Variants in DOCK11 observed in about 807,000 individuals in gnomAD.
DOCK11 encodes dedicator of cytokinesis protein 11.
DOCK11 carries 70 observed loss-of-function variants against 169.1 expected under a neutral mutation model. The observed-to-expected ratio is 0.41, with a 90% CI of 0.34 to 0.51. DOCK11 has a LOEUF of 0.51. Among genes scored for constraint, DOCK11 ranks in the 20% least tolerant of loss-of-function variants. The pLI, the probability that DOCK11 is intolerant of heterozygous loss-of-function variation, is 0.10. For missense variants in DOCK11, 1,166 were observed against 1,538.8 expected (o/e 0.76, Z 4.05); for synonymous variants, 529 against 541.3 (o/e 0.98, Z 0.32).
At chrX:118,663,674 CTTT>C (rs751159854) in intron 45 of DOCK11, among the ~76,000 whole-genome samples, 118 of 60,032 alleles carry the variant, frequency 2.0e-3, no homozygotes, top group African/African-American at 6.2e-3. Context: ...GCATCAAAGT[CTTT>C]TTTTTTTTTT....
chrX:118,570,043 A>T (rs2013224403), intron 10 of DOCK11, among the ~76,000 whole-genome samples: 1 of 112,392 alleles, frequency 8.9e-6, no homozygotes, highest in South Asian at 3.7e-4. Flanking sequence ...CACAGTTGTG[A>T]TGAAGCTTTA....
At chrX:118,636,457 G>A in intron 36 of DOCK11, 45 bp downstream of exon 36, 1 of 714,983 alleles carries the variant, frequency 1.4e-6, no homozygotes, top group Non-Finnish European at 2.0e-6. Flanking sequence ...CCTTATTTGG[G>A]GAGAATTCAA....
At chrX:118,554,409 G>T (rs1387628150) in intron 6 of DOCK11, among the ~76,000 whole-genome samples, 3 of 110,371 alleles carry the variant, frequency 2.7e-5, no homozygotes, top group Non-Finnish European at 5.7e-5. Context: ...AATTAGCCAG[G>T]CGTCGTGGTG....
Position 118,639,443 on chromosome X carries a change from A to G in DOCK11, c.4010A>G (p.Asp1337Gly), listed in dbSNP as rs1469107795. The change falls in exon 38 of 53, where the codon GAT becomes GGT. Residue 1337 changes from aspartate to glycine, a missense_variant. Transcript: ENST00000276202. ...MGKRNIARVH[D>G]AWLSKHFGID... The stretch of plus-strand genomic sequence containing the variant: ...TTTAAAATTTATTTTAGGGTGCATG[A>G]TGCCTGGCTGTCAAAACACTTCGGA... The G allele has an allele frequency of 8.3e-7, 1 of 1,210,720 alleles. No homozygotes were observed. The highest frequency in any genetic ancestry group is 1.1e-6 in the Non-Finnish European group (1 of 894,893).
intron 12 of DOCK11, 144 bp downstream of exon 12, chrX:118,574,162 A>T: frequency 1.6e-6 from 1 of 615,375 alleles, no homozygotes. Flanking sequence ...TGGTTACTGA[A>T]GTTTGAGGGC....
At chrX:118,535,703 T>A (rs1298050881) in intron 1 of DOCK11, among the ~76,000 whole-genome samples, 2 of 112,088 alleles carry the variant, frequency 1.8e-5, no homozygotes, top group East Asian at 5.6e-4. Context: ...CTTAGCCGTT[T>A]ACTTTAAGAA....
intron 41 of DOCK11, among the ~76,000 whole-genome samples, chrX:118,649,550 G>A (rs749220915): frequency 1.1e-4 from 12 of 111,150 alleles, no homozygotes; most frequent in Non-Finnish European, 2.3e-4. Context: ...ACGGAGTCTC[G>A]CCCTGTCACC....
intron 6 of DOCK11, among the ~76,000 whole-genome samples, chrX:118,546,503 G>A (rs973486148): frequency 8.9e-6 from 1 of 111,774 alleles, no homozygotes; most frequent in African/African-American, 3.2e-5. Flanking sequence ...TCACTGTGGG[G>A]AAATATGTAG....
intron 22 of DOCK11, 64 bp downstream of exon 22, chrX:118,598,180 A>T: frequency 1.2e-6 from 1 of 834,970 alleles, no homozygotes; most frequent in Non-Finnish European, 1.7e-6. Flanking sequence ...AAAATAGACC[A>T]CATTTGATTC....
intron 6 of DOCK11, among the ~76,000 whole-genome samples, chrX:118,549,400 T>C (rs2012411593): frequency 1.8e-5 from 2 of 110,543 alleles, no homozygotes; most frequent in Admixed American, 9.7e-5. Flanking sequence ...TACCTCAGCC[T>C]CCCAAAGTGC....
chrX:118,670,878 G>T, intron 45 of DOCK11, 145 bp from the exon 46 acceptor site: 1 of 376,874 alleles, frequency 2.7e-6, no homozygotes, highest in African/African-American at 2.6e-5. Context: ...AGAAAATATC[G>T]TCACACAAGT....
chrX:118,663,445 T>C (rs1265631614), intron 45 of DOCK11, among the ~76,000 whole-genome samples: 1 of 110,521 alleles, frequency 9.0e-6, no homozygotes, highest in East Asian at 2.8e-4. Context: ...CAGAGAGGGA[T>C]TGGAAGAATG....
At chrX:118,542,870 A>T in intron 2 of DOCK11, 29 bp downstream of exon 2, 1 of 1,197,413 alleles carries the variant, frequency 8.4e-7, no homozygotes, top group African/African-American at 1.7e-5. Flanking sequence ...CTTTAAAGAA[A>T]AAAACCCCTA....
intron 31 of DOCK11, among the ~76,000 whole-genome samples, 156 bp downstream of exon 31, chrX:118,618,884 G>A (rs764046693): frequency 9.1e-6 from 1 of 109,742 alleles, no homozygotes; most frequent in Non-Finnish European, 1.9e-5. Flanking sequence ...TTGAGACAGA[G>A]TTTCACTCTG....
chrX:118,663,341 T>C (rs1376237597), intron 45 of DOCK11, among the ~76,000 whole-genome samples: 1 of 111,785 alleles, frequency 8.9e-6, no homozygotes, highest in Non-Finnish European at 1.9e-5. Flanking sequence ...AAAAAGACTT[T>C]TGAATAATAT....
At chrX:118,524,392 C>T (rs773647123) in intron 1 of DOCK11, among the ~76,000 whole-genome samples, 3 of 111,624 alleles carry the variant, frequency 2.7e-5, no homozygotes, top group African/African-American at 6.5e-5. Context: ...CTTTATTTGT[C>T]GGTGTCCTCT....
chrX:118,643,375 A>G, intron 39 of DOCK11, 82 bp from the exon 40 acceptor site: 1 of 954,281 alleles, frequency 1.0e-6, no homozygotes, highest in East Asian at 3.3e-5. Context: ...ACTTCCAAAC[A>G]GTGGTTTCAT....
chrX:118,656,406 A>G (rs2016071309), intron 44 of DOCK11, among the ~76,000 whole-genome samples: 1 of 111,758 alleles, frequency 8.9e-6, no homozygotes, highest in Non-Finnish European at 1.9e-5. Context: ...TGAATAATCT[A>G]TGTGTTTGAT....
At chrX:118,585,989 A>G (rs1052620178) in intron 16 of DOCK11, among the ~76,000 whole-genome samples, 1 of 112,367 alleles carries the variant, frequency 8.9e-6, no homozygotes, top group South Asian at 3.7e-4. Flanking sequence ...TTTAAAGTGA[A>G]GCTACCTAAT....
Sources: gnomAD v4.1 joint callset for allele counts (sites outside exome capture counted in the v4.1 genomes callset) on GRCh38, gnomAD v4.1.1 for gene constraint, MANE v1.5 for transcripts, NCBI Gene and HGNC (gene_info 2026-07-23, HGNC 2026-07-21) for gene names.